The following ZNF738 variants were observed in gnomAD, a reference collection of about 807,000 sequenced individuals.
ZNF738 encodes the protein protein ZNF738.
A neutral mutation model predicts 9.2 loss-of-function variants in ZNF738; 10 were observed. The observed-to-expected ratio is 1.09, with a 90% CI of 0.67 to 1.85. The LOEUF is 1.85. Ranked by LOEUF, ZNF738 falls within the 40% of genes most tolerant of loss-of-function variation. The pLI, the probability that ZNF738 is intolerant of heterozygous loss-of-function variation, is 0.00. For missense variants in ZNF738, 346 were observed against 283.6 expected (o/e 1.22, Z -1.58); for synonymous variants, 113 against 94.5 (o/e 1.20, Z -1.14).
At position 21,377,376 on chromosome 19, in the gene ZNF738, A is replaced by AT. The variant is rs1254573282; in HGVS notation, c.319+1417dup. ...ACTTACTAATATTCTGTCTTGTTTT[A>AT]TTTTTATTACAGAAAGTGGGGTATT... On this transcript the variant is annotated intron_variant, in intron 4 of 4. Transcript: ENST00000683779. 7.2e-6 allele frequency: 5 copies of AT among 692,374 alleles called. No individual in the cohort carries two copies. The East Asian group carries it at 1.4e-4, about 19-fold the overall frequency. The allele number at this position is 692,374 out of a possible 1,614,324, so 42.9% of individuals were successfully genotyped here. A position where few individuals can be genotyped will look rare whatever the true frequency, so the allele number is the denominator to read the frequency against.
rs1419330286 is a variant in ZNF738, at chr19:21,387,525, A to G, written c.*3851A>G. On this transcript the variant is annotated 3_prime_UTR_variant, in exon 5 of 5. Coordinates refer to ENST00000683779, the MANE Select transcript of ZNF738 (RefSeq NM_001355237.2). ...ACATTCAATATAATTCATACTGGAA[A>G]GAAATCCTACAAGTGAGAGCAATGT... 1.3e-5 allele frequency among the ~76,000 whole-genome samples: 2 copies of G among 152,240 alleles called. No homozygotes were observed. Among genetic ancestry groups the G allele is most frequent in the Non-Finnish European group, 2.9e-5 (2 of 68,042 alleles).
At chr19:21,359,315 C>T (rs759803046) in intron 1 of ZNF738, among the ~76,000 whole-genome samples, 172 bp downstream of exon 1, 61 of 152,328 alleles carry the variant, frequency 4.0e-4, no homozygotes, top group Non-Finnish European at 1.0e-4. Flanking sequence ...GGCGGTTGCG[C>T]CGACAGCCCG....
chr19:21,370,132 A>G (rs1447983286), intron 2 of ZNF738, among the ~76,000 whole-genome samples: 54 of 152,218 alleles, frequency 3.5e-4, no homozygotes, highest in Non-Finnish European at 4.4e-5. Flanking sequence ...CTTTTTAAAC[A>G]TCTATTGAAA....
chr19:21,382,200 G>A (rs1189668074), intron 4 of ZNF738, among the ~76,000 whole-genome samples: 1 of 149,574 alleles, frequency 6.7e-6, no homozygotes, highest in African/African-American at 2.5e-5. Flanking sequence ...TGAGTAGCTG[G>A]GATTACAGGT....
intron 4 of ZNF738, among the ~76,000 whole-genome samples, chr19:21,379,683 T>A (rs1329725374): frequency 1.3e-5 from 2 of 152,174 alleles, no homozygotes; most frequent in African/African-American, 4.8e-5. Context: ...GAGCCAGTAT[T>A]TTACTTGTGT....
chr19:21,365,879 C>T (rs1476473481), intron 2 of ZNF738, among the ~76,000 whole-genome samples: 1 of 151,596 alleles, frequency 6.6e-6, no homozygotes, highest in African/African-American at 2.4e-5. Flanking sequence ...ATCGCTTGAA[C>T]CTGGGAGGCA....
At chr19:21,381,706 G>A (rs568522265) in intron 4 of ZNF738, 1 of 338,086 alleles carries the variant, frequency 3.0e-6, no homozygotes, top group East Asian at 7.0e-5. Context: ...CGTTAGCCAG[G>A]ATGGTCTCGA....
intron 2 of ZNF738, among the ~76,000 whole-genome samples, chr19:21,373,207 T>C (rs1196728264): frequency 6.6e-6 from 1 of 152,352 alleles, no homozygotes; most frequent in South Asian, 2.1e-4. Flanking sequence ...TAAGTGGTTA[T>C]CAGCCTAGAC....
chr19:21,368,085 G>A (rs1042449965), intron 2 of ZNF738, among the ~76,000 whole-genome samples: 2 of 152,170 alleles, frequency 1.3e-5, no homozygotes, highest in East Asian at 1.9e-4. Flanking sequence ...TCTTCTGCAC[G>A]CATGGGTTTT....
Position 21,385,024 on chromosome 19 carries a change from A to T in ZNF738, c.*1350A>T, listed in dbSNP as rs1214205976. On this transcript the variant is annotated 3_prime_UTR_variant, in exon 5 of 5. Coordinates refer to ENST00000683779, the MANE Select transcript of ZNF738 (RefSeq NM_001355237.2). ...TTCTACAAATGTGAAGAATGTGGCA[A>T]AGGCTTTGACTGGTCCTCTACCCTT... Among the ~76,000 whole-genome samples the T allele has an allele frequency of 6.6e-6, 1 of 152,264 alleles. No homozygotes were observed. Among genetic ancestry groups the T allele is most frequent in the African/African-American group, 2.4e-5 (1 of 41,468 alleles).
At chr19:21,375,732 G>A (rs562025685) in intron 3 of ZNF738, 137 bp from the exon 4 acceptor site, 44 of 465,840 alleles carry the variant, frequency 9.4e-5, no homozygotes, top group African/African-American at 8.7e-4. Context: ...CTAAATGTAA[G>A]AACTTTCTGT....
In ZNF738 at chr19:21,388,250, G is replaced by A. The variant is rs1398391654; in HGVS notation, c.*4576G>A. On this transcript the variant is annotated 3_prime_UTR_variant, in exon 5 of 5. Transcript: ENST00000683779. ...ATTACAGACTTTGAAAGCAAATGATGTAATTCAACACTCATTTTCTGGTGT... is the reference window on the plus strand; with the variant it reads ...ATTACAGACTTTGAAAGCAAATGATATAATTCAACACTCATTTTCTGGTGT... Among the ~76,000 whole-genome samples, 1 of 152,102 alleles carries A rather than the reference G, an allele frequency of 6.6e-6. No individual in the cohort carries two copies. The highest frequency in any genetic ancestry group is 1.5e-5 in the Non-Finnish European group (1 of 67,996).
At chr19:21,362,362 C>A (rs1042021563) in intron 2 of ZNF738, among the ~76,000 whole-genome samples, 1 of 152,022 alleles carries the variant, frequency 6.6e-6, no homozygotes, top group Admixed American at 6.6e-5. Context: ...ACAAAAACAA[C>A]AACAAACTGA....
At position 21,384,020 on chromosome 19, in the gene ZNF738, T is replaced by G. The variant is rs191796251; in HGVS notation, c.*346T>G. ...ACAAATGTGAAGAATGTGGCAAAGC[T>G]TTCTACCGATTCATTTACCTTACTA... On this transcript the variant is annotated 3_prime_UTR_variant, in exon 5 of 5. Transcript: ENST00000683779. 501 of 1,518,518 alleles carry G rather than the reference T, an allele frequency of 3.3e-4. 4 individuals carry two copies. The African/African-American group carries it at 6.5e-3, about 20-fold the overall frequency. 94.1% of individuals were successfully genotyped at this position (1,518,518 alleles called of 1,614,324 possible).
chr19:21,361,644 C>T (rs1048071259), intron 1 of ZNF738, 122 bp from the exon 2 acceptor site: 2 of 691,022 alleles, frequency 2.9e-6, no homozygotes, highest in South Asian at 3.0e-5. Context: ...CCTCAGCCAC[C>T]GTTTAGTTTT....
chr19:21,361,661 G>C lies in ZNF738; in HGVS notation c.4-105G>C, dbSNP rs1288849464. On this transcript the variant is annotated intron_variant, in intron 1 of 4. Coordinates refer to ENST00000683779, the MANE Select transcript of ZNF738 (RefSeq NM_001355237.2). ...TCAGCCACCGTTTAGTTTTTTCCCG[G>C]TCCTGGGTTTCAGTATTATCTGGGG... The C allele has an allele frequency of 1.7e-5, 12 of 706,802 alleles. No individual in the cohort carries two copies. In the East Asian group the frequency reaches 3.2e-4, roughly 19 times the overall value. 43.8% of individuals were successfully genotyped at this position (706,802 alleles called of 1,614,324 possible). A position where few individuals can be genotyped will look rare whatever the true frequency, so the allele number is the denominator to read the frequency against.
At position 21,361,654 on chromosome 19, in the gene ZNF738, T is replaced by G. The variant is rs1452814253; in HGVS notation, c.4-112T>G. The G allele has an allele frequency of 8.5e-6, 6 of 702,390 alleles. No homozygotes were observed. In the East Asian group the frequency reaches 1.6e-4, roughly 19 times the overall value. The allele number at this position is 702,390 out of a possible 1,614,324, so 43.5% of individuals were successfully genotyped here. ...TGTGTCCTCAGCCACCGTTTAGTTT[T>G]TTCCCGGTCCTGGGTTTCAGTATTA... On this transcript the variant is annotated intron_variant, in intron 1 of 4. Coordinates refer to ENST00000683779, the MANE Select transcript of ZNF738 (RefSeq NM_001355237.2).
chr19:21,375,865 T>G lies in ZNF738; in HGVS notation c.224-4T>G, dbSNP rs780102000. Reference sequence around the variant, plus strand: ...ATTCATGTTATTTATTTTTAATAAATCAGGTATTGATGTCTCTAAGCCAGA... The same window carrying G: ...ATTCATGTTATTTATTTTTAATAAAGCAGGTATTGATGTCTCTAAGCCAGA... On this transcript the variant is annotated splice_region_variant and splice_polypyrimidine_tract_variant and intron_variant, in intron 3 of 4. Transcript: ENST00000683779. 1.3e-6 allele frequency: 1 copy of G among 782,018 alleles called. No homozygotes were observed. Among genetic ancestry groups the G allele is most frequent in the South Asian group, 1.4e-5 (1 of 73,460 alleles). The allele number at this position is 782,018 out of a possible 1,614,324, so 48.4% of individuals were successfully genotyped here.
chr19:21,364,912 ATTTTT>A (rs71176864), intron 2 of ZNF738, among the ~76,000 whole-genome samples: 1,245 of 99,218 alleles, frequency 0.013, 33 homozygotes, highest in African/African-American at 0.038. Context: ...TACCCAGCTA[ATTTTT>A]TTTTTTTTTT....
Sources: allele counts gnomAD v4.1 joint callset (sites outside exome capture counted in the v4.1 genomes callset), GRCh38; gene constraint gnomAD v4.1.1; transcripts MANE v1.5; gene names NCBI Gene and HGNC (gene_info 2026-07-23, HGNC 2026-07-21).